The following ZNF621 variants were observed in gnomAD, a reference collection of about 807,000 sequenced individuals.
ZNF621 encodes zinc finger protein 621.
A neutral mutation model predicts 12.7 loss-of-function variants in ZNF621; 6 were observed. The ratio of observed to expected loss-of-function variants is 0.47; its 90% CI spans 0.26 to 0.93. The LOEUF (loss-of-function observed/expected upper bound fraction) is 0.93, where lower values mean the gene tolerates loss of function less well. Ranked by LOEUF, ZNF621 falls within the 40% of genes least tolerant of loss-of-function variation. The probability of loss-of-function intolerance (pLI) is 0.15; values close to 1 mark genes in which losing one functional copy is unlikely to be tolerated. For missense variants in ZNF621, 474 were observed against 524.0 expected (o/e 0.90, Z 0.93); for synonymous variants, 156 against 190.3 (o/e 0.82, Z 1.48).
chr3:40,532,695 C>T lies in ZNF621; in HGVS notation c.925C>T (p.His309Tyr). The change falls in exon 5 of 5, where the codon CAT becomes TAT. Residue 309 changes from histidine to tyrosine, a missense_variant. By Grantham distance (83) the His-to-Tyr change is moderately conservative. Coordinates refer to ENST00000339296, the MANE Select transcript of ZNF621 (RefSeq NM_198484.5). The part of the protein sequence containing the change: ...AFTQKIASIQ[H>Y]QRVHTGEKPY... ...CACCCAGAAAATAGCCTCCATTCAG[C>T]ATCAGAGAGTTCACACTGGGGAGAA... is the stretch of plus-strand genomic sequence containing the variant. The T allele has an allele frequency of 6.2e-7, 1 of 1,614,186 alleles. No individual in the cohort carries two copies. The highest frequency in any genetic ancestry group is 8.5e-7 in the Non-Finnish European group (1 of 1,180,022).
intron 4 of ZNF621, 72 bp from the exon 5 acceptor site, chr3:40,531,958 A>C (rs772908660): frequency 1.0e-5 from 14 of 1,405,782 alleles, no homozygotes; most frequent in Non-Finnish European, 1.3e-5. Flanking sequence ...TCTACAAGAG[A>C]AAATTAGGAA....
intron 3 of ZNF621, 127 bp downstream of exon 3, chr3:40,529,572 C>A (rs986676421): frequency 9.5e-6 from 15 of 1,580,184 alleles, no homozygotes; most frequent in African/African-American, 1.3e-5. Flanking sequence ...TCCAGAAATA[C>A]TGGGTAGGGA....
At chr3:40,525,961 C>T (rs1698572318) in intron 2 of ZNF621, 97 bp downstream of exon 2, 1 of 1,419,700 alleles carries the variant, frequency 7.0e-7, no homozygotes, top group African/African-American at 1.4e-5. Context: ...GAAGGCCTAA[C>T]TTGGCCAAGC....
upstream of ZNF621, among the ~76,000 whole-genome samples, chr3:40,523,800 A>AAAAAAAAAAAAAAAAAC (rs373747734): frequency 6.8e-6 from 1 of 147,676 alleles, no homozygotes. Flanking sequence ...AGCAAAAAAA[A>AAAAAAAAAAAAAAAAAC]AAAAAACAAA....
intron 3 of ZNF621, among the ~76,000 whole-genome samples, chr3:40,529,767 C>T (rs1575306134): frequency 6.6e-6 from 1 of 152,126 alleles, no homozygotes; most frequent in African/African-American, 2.4e-5. Context: ...GGACTATAGG[C>T]GTGTGCCACT....
intron 2 of ZNF621, among the ~76,000 whole-genome samples, chr3:40,528,164 C>T (rs1291973090): frequency 6.6e-6 from 1 of 152,152 alleles, no homozygotes; most frequent in Non-Finnish European, 1.5e-5. Flanking sequence ...TAGTCCCGTC[C>T]CAATTGACAA....
At chr3:40,531,117 T>G (rs1698716683) in intron 4 of ZNF621, among the ~76,000 whole-genome samples, 1 of 152,258 alleles carries the variant, frequency 6.6e-6, no homozygotes, top group Non-Finnish European at 1.5e-5. Flanking sequence ...TCCAGCTGAC[T>G]TTCTGAAACT....
intron 2 of ZNF621, among the ~76,000 whole-genome samples, chr3:40,528,731 C>T (rs1698646923): frequency 1.3e-5 from 2 of 152,210 alleles, no homozygotes; most frequent in African/African-American, 2.4e-5. Context: ...GTTTTTATTG[C>T]AATTCCCTAA....
At position 40,537,162 on chromosome 3, in the gene ZNF621, G is replaced by C. The variant is rs1323291992; in HGVS notation, c.*4072G>C. The stretch of plus-strand genomic sequence containing the variant: ...GCCTCTCACTTTAAATCAAAAGCTA[G>C]AAATGATTAAGCTTAGTGAGGAAGG... On this transcript the variant is annotated 3_prime_UTR_variant, in exon 5 of 5. Transcript: ENST00000339296. 3 of 152,182 alleles carry C rather than the reference G, an allele frequency of 2.0e-5. No individual in the cohort carries two copies. The highest frequency in any genetic ancestry group is 7.2e-5 in the African/African-American group (3 of 41,446). The allele number at this position is 152,182 out of a possible 1,614,324, so 9.4% of individuals were successfully genotyped here. A position where few individuals can be genotyped will look rare whatever the true frequency, so the allele number is the denominator to read the frequency against.
intron 4 of ZNF621, among the ~76,000 whole-genome samples, chr3:40,531,488 C>T (rs557318280): frequency 6.6e-6 from 1 of 152,264 alleles, no homozygotes; most frequent in African/African-American, 2.4e-5. Flanking sequence ...ATTTTCCAGC[C>T]TTCCTCGTGG....
In ZNF621 at chr3:40,536,272, G is replaced by C. The variant is rs865922303; in HGVS notation, c.*3182G>C. 6.6e-6 allele frequency: 1 copy of C among 152,104 alleles called. No homozygotes were observed. Among genetic ancestry groups the C allele is most frequent in the Admixed American group, 6.6e-5 (1 of 15,262 alleles). 9.4% of individuals were successfully genotyped at this position (152,104 alleles called of 1,614,324 possible). ...ATTTTTTAATTTTTAGTAGAGACAGGGTTTCACCATGTTGGCCAGGCTGGT... is the reference window on the plus strand; with the variant it reads ...ATTTTTTAATTTTTAGTAGAGACAGCGTTTCACCATGTTGGCCAGGCTGGT... On this transcript the variant is annotated 3_prime_UTR_variant, in exon 5 of 5. Transcript: ENST00000339296.
chr3:40,532,840 G>C lies in ZNF621; in HGVS notation c.1070G>C (p.Ser357Thr), dbSNP rs1370762009. Reference sequence around the variant, plus strand: ...AAGGTCCTTGGGCCATCCCTGGTCAGTCCCCAGTGCTCCTCTCCAGCCATA... The same window carrying C: ...AAGGTCCTTGGGCCATCCCTGGTCACTCCCCAGTGCTCCTCTCCAGCCATA... ...PVKVLGPSLV[S>T]PQCSSPAIPP... is the part of the protein sequence containing the mutation. Residue 357 changes from serine to threonine, a missense_variant, in exon 5 of 5, where the codon AGT (serine) becomes ACT (threonine). Physicochemically the swap from Ser to Thr is moderately conservative, Grantham distance 58. Coordinates refer to ENST00000339296, the MANE Select transcript of ZNF621 (RefSeq NM_198484.5). 2 of 1,613,912 alleles carry C rather than the reference G, an allele frequency of 1.2e-6. No homozygotes were observed. Among genetic ancestry groups the C allele is most frequent in the East Asian group, 2.2e-5 (1 of 44,886 alleles).
intron 2 of ZNF621, among the ~76,000 whole-genome samples, chr3:40,527,296 C>T (rs868690733): frequency 7.2e-5 from 11 of 151,820 alleles, no homozygotes; most frequent in East Asian, 1.9e-4. Flanking sequence ...GGATTACAGG[C>T]GTGAGCCACT....
rs1461557449 is a variant in ZNF621 at position 40,535,563 on chromosome 3, A to G, written c.*2473A>G. The G allele has an allele frequency of 6.6e-6, 1 of 152,132 alleles. No homozygotes were observed. The highest frequency in any genetic ancestry group is 1.5e-5 in the Non-Finnish European group (1 of 68,034). 9.4% of individuals were successfully genotyped at this position (152,132 alleles called of 1,614,324 possible). On this transcript the variant is annotated 3_prime_UTR_variant, in exon 5 of 5. Transcript: ENST00000339296. ...TGGACCACCAGGAAGGTCGTTTCAC[A>G]TTCTGTAGTAAAAATACCCCTACAA...
chr3:40,527,028 G>GT (rs1218553207), intron 2 of ZNF621, among the ~76,000 whole-genome samples: 1 of 151,722 alleles, frequency 6.6e-6, no homozygotes, highest in Non-Finnish European at 1.5e-5. Flanking sequence ...TTGTTTGTTT[G>GT]TTTTTTTGAG....
At chr3:40,526,605 G>A (rs983327700) in intron 2 of ZNF621, among the ~76,000 whole-genome samples, 1 of 152,188 alleles carries the variant, frequency 6.6e-6, no homozygotes, top group African/African-American at 2.4e-5. Flanking sequence ...AGAGAAAGCT[G>A]GATGTACTCT....
At position 40,539,603 on chromosome 3, in the gene ZNF621, A is replaced by C. The variant is rs1280364685; in HGVS notation, c.*6513A>C. On this transcript the variant is annotated 3_prime_UTR_variant, in exon 5 of 5. Transcript: ENST00000339296. Reference sequence around the variant, plus strand: ...AGTTGTCTGGAAGCAAACCTGCAATATCTCCAAGATATGCCTGTATTTTTC... The same window carrying C: ...AGTTGTCTGGAAGCAAACCTGCAATCTCTCCAAGATATGCCTGTATTTTTC... 3 of 152,228 alleles carry C rather than the reference A, an allele frequency of 2.0e-5. No individual in the cohort carries two copies. The highest frequency in any genetic ancestry group is 4.4e-5 in the Non-Finnish European group (3 of 68,038). The allele number at this position is 152,228 out of a possible 1,614,324, so 9.4% of individuals were successfully genotyped here.
chr3:40,523,805 A>C (rs913838429), upstream of ZNF621, among the ~76,000 whole-genome samples: 11 of 151,750 alleles, frequency 7.2e-5, no homozygotes, highest in Non-Finnish European at 1.5e-4. Context: ...AAAAAAAAAA[A>C]ACAAAGTCTG....
At chr3:40,525,951 G>A (rs995066177) in intron 2 of ZNF621, 87 bp downstream of exon 2, 3 of 1,533,742 alleles carry the variant, frequency 2.0e-6, no homozygotes, top group Admixed American at 3.7e-5. Flanking sequence ...AAAGGATGAG[G>A]AAGGCCTAAC....
Sources: gnomAD v4.1 joint callset for allele counts (sites outside exome capture counted in the v4.1 genomes callset) on GRCh38, gnomAD v4.1.1 for gene constraint, MANE v1.5 for transcripts, NCBI Gene and HGNC (gene_info 2026-07-23, HGNC 2026-07-21) for gene names.